PLXNA4: variants seen among roughly 807,000 people sequenced by gnomAD.
The protein encoded by PLXNA4 is plexin A4, also known as plexin-A4.
A neutral mutation model predicts 191.8 loss-of-function variants in PLXNA4; 44 were observed. That is an observed-to-expected ratio of 0.23 (90% confidence interval 0.18 to 0.29). The LOEUF (loss-of-function observed/expected upper bound fraction) is 0.29. Ranked by LOEUF, PLXNA4 falls within the 10% of genes least tolerant of loss-of-function variation. The pLI is 1.00. For synonymous variants in PLXNA4, 1,082 were observed against 1,009.5 expected, an observed-to-expected ratio of 1.07 and a Z score of -1.36; for missense variants, 1,800 against 2,488.8, an observed-to-expected ratio of 0.72 and a Z score of 5.89.
intron 3 of PLXNA4, among the ~76,000 whole-genome samples, chr7:132,453,733 G>A: frequency 6.6e-6 from 1 of 152,082 alleles, no homozygotes; most frequent in Non-Finnish European, 1.5e-5. Context: ...GTAGAGATGG[G>A]GTTTCACCAT....
chr7:132,433,319 T>C (rs1795345395), intron 3 of PLXNA4, among the ~76,000 whole-genome samples: 1 of 152,184 alleles, frequency 6.6e-6, no homozygotes, highest in Non-Finnish European at 1.5e-5. Flanking sequence ...AAACATGCTT[T>C]GGGGGTCCCT....
chr7:132,260,280 G>T (rs1003446868), intron 4 of PLXNA4, among the ~76,000 whole-genome samples: 2 of 152,132 alleles, frequency 1.3e-5, no homozygotes, highest in African/African-American at 4.8e-5. Context: ...TGGAAGACTG[G>T]ATAAAGAAAA....
intron 2 of PLXNA4, among the ~76,000 whole-genome samples, chr7:132,638,405 A>G (rs1803650866): frequency 1.3e-5 from 2 of 152,194 alleles, no homozygotes; most frequent in Non-Finnish European, 2.9e-5. Context: ...TAATCCCAGC[A>G]CTTTGGGAGG....
Position 132,421,630 on chromosome 7 carries a change from A to G in PLXNA4, c.1371+67662T>C, listed in dbSNP as rs1257500055. On this transcript the variant is annotated intron_variant, in intron 3 of 31. Transcript: ENST00000321063. Reference sequence around the variant, plus strand: ...TACAAAACAAAAATAACTACCTTCTATATAATGACTGTTGTGAAGAAGAAA... The same window carrying G: ...TACAAAACAAAAATAACTACCTTCTGTATAATGACTGTTGTGAAGAAGAAA... Among the ~76,000 whole-genome samples, 7 of 151,706 alleles carry G rather than the reference A, an allele frequency of 4.6e-5. 1 individual carries two copies. The highest frequency in any genetic ancestry group is 1.7e-4 in the African/African-American group (7 of 41,066).
chr7:132,377,397 G>A (rs1335036727), intron 3 of PLXNA4, among the ~76,000 whole-genome samples: 3 of 146,582 alleles, frequency 2.0e-5, no homozygotes, highest in Admixed American at 7.0e-5. Context: ...TCCAGACACA[G>A]TCTTCTACAA....
At chr7:132,349,241 T>A (rs1276720240) in intron 3 of PLXNA4, among the ~76,000 whole-genome samples, 1 of 152,174 alleles carries the variant, frequency 6.6e-6, no homozygotes, top group Non-Finnish European at 1.5e-5. Flanking sequence ...GCCAAAGAAG[T>A]TATAAGCCGT....
intron 25 of PLXNA4, among the ~76,000 whole-genome samples, chr7:132,151,390 A>AAGGAGG (rs1285503252): frequency 2.2e-5 from 1 of 46,280 alleles, no homozygotes; most frequent in Non-Finnish European, 4.5e-5. Context: ...GAGGAGGAGA[A>AAGGAGG]AGGAGGAGGA....
intron 3 of PLXNA4, among the ~76,000 whole-genome samples, chr7:132,357,502 G>T (rs1279699733): frequency 6.6e-6 from 1 of 152,168 alleles, no homozygotes. Flanking sequence ...GCAATAGTTT[G>T]GTCCTGAATC....
At chr7:132,523,257 C>T (rs529982124) in intron 1 of PLXNA4, among the ~76,000 whole-genome samples, 1 of 152,278 alleles carries the variant, frequency 6.6e-6, no homozygotes, top group Admixed American at 6.5e-5. Context: ...GAAGCAAAGT[C>T]ATTTGCTACA....
At chr7:132,358,260 A>G (rs996048996) in intron 3 of PLXNA4, among the ~76,000 whole-genome samples, 1 of 152,228 alleles carries the variant, frequency 6.6e-6, no homozygotes, top group African/African-American at 2.4e-5. Context: ...TGTAGCAAGC[A>G]TGTGTGACTC....
intron 3 of PLXNA4, among the ~76,000 whole-genome samples, chr7:132,466,454 T>C (rs1014651938): frequency 4.6e-5 from 7 of 152,224 alleles, no homozygotes. Flanking sequence ...GATAAGCATA[T>C]CTACTTTGTA....
At chr7:132,220,920 C>T (rs1798124393) in intron 9 of PLXNA4, among the ~76,000 whole-genome samples, 1 of 150,900 alleles carries the variant, frequency 6.6e-6, no homozygotes, top group Non-Finnish European at 1.5e-5. Flanking sequence ...TCAAGCAATC[C>T]TCCCATCTCA....
rs1794806796 is a variant in PLXNA4, at chr7:132,127,672, G to A, written c.*2807C>T. The A allele has an allele frequency of 6.6e-6, 1 of 152,074 alleles. No individual in the cohort carries two copies. Among genetic ancestry groups the A allele is most frequent in the Non-Finnish European group, 1.5e-5 (1 of 68,038 alleles). 9.4% of individuals were successfully genotyped at this position (152,074 alleles called of 1,614,324 possible). ...TTCTCAGTCCCCAAGCAGGCCACGGGGACTGCAGCAAACAGAGCGGCAGAA... is the reference window on the plus strand; with the variant it reads ...TTCTCAGTCCCCAAGCAGGCCACGGAGACTGCAGCAAACAGAGCGGCAGAA... On this transcript the variant is annotated 3_prime_UTR_variant, in exon 32 of 32. Coordinates refer to ENST00000321063, the MANE Select transcript of PLXNA4 (RefSeq NM_020911.2).
intron 1 of PLXNA4, among the ~76,000 whole-genome samples, chr7:132,548,633 G>A (rs370990661): frequency 6.6e-6 from 1 of 152,174 alleles, no homozygotes; most frequent in Non-Finnish European, 1.5e-5. Flanking sequence ...ACCTTAATCT[G>A]TTATTTCCTA....
chr7:132,228,323 A>T, intron 6 of PLXNA4, 23 bp downstream of exon 6: 1 of 1,613,444 alleles, frequency 6.2e-7, no homozygotes, highest in Admixed American at 1.7e-5. Flanking sequence ...CCTGGACCCC[A>T]CCCCAACCCC....
chr7:132,186,809 G>A (rs930216677), intron 15 of PLXNA4, among the ~76,000 whole-genome samples: 1 of 152,148 alleles, frequency 6.6e-6, no homozygotes, highest in Non-Finnish European at 1.5e-5. Flanking sequence ...GATGATAACA[G>A]CCTTTTCCTG....
At chr7:132,241,224 AC>A in intron 4 of PLXNA4, 58 bp from the exon 5 acceptor site, 1 of 1,181,150 alleles carries the variant, frequency 8.5e-7, no homozygotes, top group Non-Finnish European at 1.2e-6. Context: ...CCAGCAGTGT[AC>A]CAGAAGAGAT....
At chr7:132,516,129 C>T (rs2116325063) in intron 1 of PLXNA4, among the ~76,000 whole-genome samples, 1 of 152,252 alleles carries the variant, frequency 6.6e-6, no homozygotes, top group South Asian at 2.1e-4. Context: ...ATCTTTGAGC[C>T]AGTCAATTCA....
intron 16 of PLXNA4, 120 bp downstream of exon 16, chr7:132,185,179 A>G: frequency 1.2e-5 from 17 of 1,385,014 alleles, no homozygotes; most frequent in South Asian, 1.5e-5. Context: ...TTTGGAATCA[A>G]TTCCAGCTCA....
Sources: gnomAD v4.1 joint callset for allele counts (sites outside exome capture counted in the v4.1 genomes callset) on GRCh38, gnomAD v4.1.1 for gene constraint, MANE v1.5 for transcripts, NCBI Gene and HGNC (gene_info 2026-07-23, HGNC 2026-07-21) for gene names.